Variants in KIAA1671 observed in about 807,000 individuals in gnomAD.
KIAA1671 encodes the protein KIAA1671.
A neutral mutation model predicts 131.2 loss-of-function variants in KIAA1671; 52 were observed. The observed-to-expected ratio is 0.40, with a 90% CI of 0.32 to 0.50. The LOEUF is 0.50. KIAA1671 is among the 20% of genes least tolerant of loss of function. KIAA1671 has a pLI of 0.73. For synonymous variants in KIAA1671, 1,003 were observed against 961.6 expected, an observed-to-expected ratio of 1.04 and a Z score of -0.80; for missense variants, 2,360 against 2,364.2, an observed-to-expected ratio of 1.00 and a Z score of 0.04.
intron 6 of KIAA1671, among the ~76,000 whole-genome samples, chr22:25,084,035 C>A (rs1929557036): frequency 1.3e-5 from 2 of 152,254 alleles, no homozygotes; most frequent in African/African-American, 4.8e-5. Flanking sequence ...CGGCGGCCTG[C>A]CACGTGAGTG....
chr22:25,124,642 G>A (rs923105842), intron 6 of KIAA1671, among the ~76,000 whole-genome samples: 7 of 152,150 alleles, frequency 4.6e-5, no homozygotes, highest in Admixed American at 6.5e-5. Flanking sequence ...CTGGAACCTC[G>A]GAAGTGCATA....
At chr22:24,956,608 T>C (rs1200703832) in intron 1 of KIAA1671, among the ~76,000 whole-genome samples, 1 of 151,992 alleles carries the variant, frequency 6.6e-6, no homozygotes, top group Non-Finnish European at 1.5e-5. Context: ...GGCTCACGCC[T>C]GTAATCCCAG....
chr22:25,113,111 C>T (rs1441541962), intron 6 of KIAA1671, among the ~76,000 whole-genome samples: 2 of 152,102 alleles, frequency 1.3e-5, no homozygotes, highest in African/African-American at 2.4e-5. Context: ...TCCTGCTAGG[C>T]GACAGTGCAG....
intron 6 of KIAA1671, among the ~76,000 whole-genome samples, chr22:25,154,090 G>A (rs561141594): frequency 2.0e-5 from 3 of 152,324 alleles, no homozygotes; most frequent in Admixed American, 6.5e-5. Context: ...AGTAAGGTCC[G>A]GCTCCAAGGA....
intron 1 of KIAA1671, among the ~76,000 whole-genome samples, chr22:25,006,285 G>A (rs1924748749): frequency 1.3e-5 from 2 of 152,116 alleles, no homozygotes; most frequent in South Asian, 2.1e-4. Flanking sequence ...CACCCACCTC[G>A]GCTCCCAAGG....
chr22:25,057,786 C>T (rs1927935981), intron 6 of KIAA1671: 1 of 152,260 alleles, frequency 6.6e-6, no homozygotes, highest in Non-Finnish European at 1.5e-5. Context: ...GGACCACAGG[C>T]ATGCGCCAGC....
At position 25,196,806 on chromosome 22, in the gene KIAA1671, G is replaced by A. The variant is rs1259037882; in HGVS notation, c.*4405G>A. The A allele has an allele frequency of 6.6e-6, 1 of 152,082 alleles. No individual in the cohort carries two copies. Among genetic ancestry groups the A allele is most frequent in the East Asian group, 1.9e-4 (1 of 5,178 alleles). The allele number at this position is 152,082 out of a possible 1,614,324, so 9.4% of individuals were successfully genotyped here. ...CCTGTAAATAGGGGGGGTCACAAAA[G>A]TAATATATTGTGTTATGGAAGATAA... On this transcript the variant is annotated 3_prime_UTR_variant, in exon 13 of 13. Coordinates refer to ENST00000358431, the MANE Select transcript of KIAA1671 (RefSeq NM_001145206.2).
In KIAA1671 at chr22:25,093,748, C is replaced by CTG. The variant is rs1930184319; in HGVS notation, c.4530+44385_4530+44386insGT. ...ACACACACACACACACTCTCTCTCT[C>CTG]TCTCTCTCTCTCTCTCTCTGTCTCT... On this transcript the variant is annotated intron_variant, in intron 6 of 12. Transcript: ENST00000358431. Among the ~76,000 whole-genome samples the CTG allele has an allele frequency of 4.1e-4, 46 of 111,484 alleles. 3 individuals carry two copies. Among genetic ancestry groups the CTG allele is most frequent in the African/African-American group, 1.5e-3 (39 of 26,768 alleles). The allele number at this position is 111,484 out of a possible 152,430, so 73.1% of individuals were successfully genotyped here.
chr22:25,165,342 A>G (rs1249115084), intron 6 of KIAA1671, among the ~76,000 whole-genome samples: 3 of 152,200 alleles, frequency 2.0e-5, no homozygotes, highest in Non-Finnish European at 2.9e-5. Flanking sequence ...CCAAGGTCAC[A>G]TAGCTACTAT....
chr22:25,180,824 C>A (rs368552671), intron 9 of KIAA1671, among the ~76,000 whole-genome samples: 2 of 152,214 alleles, frequency 1.3e-5, no homozygotes, highest in African/African-American at 4.8e-5. Context: ...CAGGTGAGAC[C>A]TCTCTGCACT....
chr22:25,047,564 C>T (rs1405565299), intron 5 of KIAA1671, among the ~76,000 whole-genome samples: 2 of 151,724 alleles, frequency 1.3e-5, no homozygotes, highest in Non-Finnish European at 1.5e-5. Context: ...TCTCCACCTC[C>T]TGGGTTCAAG....
intron 6 of KIAA1671, among the ~76,000 whole-genome samples, chr22:25,153,933 T>C (rs946610348): frequency 1.3e-5 from 2 of 152,192 alleles, no homozygotes; most frequent in African/African-American, 4.8e-5. Flanking sequence ...CTTCCATGAA[T>C]CCTGTGACCT....
chr22:25,019,253 C>T (rs184075815), intron 1 of KIAA1671, among the ~76,000 whole-genome samples: 80 of 152,254 alleles, frequency 5.3e-4, no homozygotes, highest in African/African-American at 1.8e-3. Context: ...GGGCAAGTCA[C>T]AGCACTCCTC....
At chr22:25,184,877 G>C in intron 10 of KIAA1671, 100 bp from the exon 11 acceptor site, 1 of 1,417,868 alleles carries the variant, frequency 7.1e-7, no homozygotes. Flanking sequence ...AGGGGGCCCC[G>C]AGTGTTTGCA....
At chr22:25,079,065 A>G (rs1254950293) in intron 6 of KIAA1671, among the ~76,000 whole-genome samples, 1 of 152,160 alleles carries the variant, frequency 6.6e-6, no homozygotes, top group Non-Finnish European at 1.5e-5. Context: ...AGGCGATGCA[A>G]ACAAAGCCAG....
chr22:25,163,394 C>A (rs558330532), intron 6 of KIAA1671, among the ~76,000 whole-genome samples: 35 of 83,830 alleles, frequency 4.2e-4, no homozygotes, highest in African/African-American at 1.6e-3. Flanking sequence ...AGACATCTTT[C>A]TGTGACAGTA....
chr22:25,090,123 C>T (rs753434885), intron 6 of KIAA1671, among the ~76,000 whole-genome samples: 1 of 152,200 alleles, frequency 6.6e-6, no homozygotes, highest in Non-Finnish European at 1.5e-5. Flanking sequence ...CCAGGGAGTG[C>T]GGGCAGCTCC....
At chr22:25,155,639 A>G (rs1933206969) in intron 6 of KIAA1671, among the ~76,000 whole-genome samples, 1 of 151,142 alleles carries the variant, frequency 6.6e-6, no homozygotes, top group African/African-American at 2.4e-5. Context: ...TTTTTTGTGT[A>G]TATGCATTTG....
In KIAA1671 at chr22:25,113,693, C is replaced by T. The variant is rs1000369085; in HGVS notation, c.4531-57127C>T. Among the ~76,000 whole-genome samples, 2 of 152,334 alleles carry T rather than the reference C, an allele frequency of 1.3e-5. 1 individual carries two copies. The highest frequency in any genetic ancestry group is 4.1e-4 in the South Asian group (2 of 4,826). On this transcript the variant is annotated intron_variant, in intron 6 of 12. Transcript: ENST00000358431. ...AGGAGCCGAGCACTTGGGCATGACA[C>T]GTGTCTCGTTCACAGGACGTCTCCT... is the stretch of plus-strand genomic sequence containing the variant.
Sources: allele counts gnomAD v4.1 joint callset (sites outside exome capture counted in the v4.1 genomes callset), GRCh38; gene constraint gnomAD v4.1.1; transcripts MANE v1.5; gene names NCBI Gene and HGNC (gene_info 2026-07-23, HGNC 2026-07-21).